CCT4: variants seen among roughly 807,000 people sequenced by gnomAD.
The protein encoded by CCT4 is chaperonin containing TCP1 subunit 4.
CCT4 carries 17 observed loss-of-function variants against 62.5 expected under a neutral mutation model. The ratio of observed to expected loss-of-function variants is 0.27; its 90% CI spans 0.19 to 0.41. The LOEUF (loss-of-function observed/expected upper bound fraction) is 0.41. Among genes scored for constraint, CCT4 ranks in the 10% least tolerant of loss-of-function variants. The pLI is 1.00. For synonymous variants in CCT4, 250 were observed against 229.9 expected (o/e 1.09, Z -0.79); for missense variants, 592 against 659.2 (o/e 0.90, Z 1.12).
chr2:61,883,207 A>G (rs948890183), intron 3 of CCT4, among the ~76,000 whole-genome samples: 11 of 152,230 alleles, frequency 7.2e-5, no homozygotes, highest in African/African-American at 2.6e-4. Context: ...GTGGATCACA[A>G]GGTCAGGAGT....
chr2:61,885,534 T>C (rs1346018127), intron 1 of CCT4, among the ~76,000 whole-genome samples: 1 of 151,994 alleles, frequency 6.6e-6, no homozygotes, highest in East Asian at 1.9e-4. Context: ...CCTCAGCCTC[T>C]GGAGTAGCTG....
At chr2:61,875,099 A>C (rs1668969896) in intron 8 of CCT4, among the ~76,000 whole-genome samples, 1 of 151,128 alleles carries the variant, frequency 6.6e-6, no homozygotes, top group African/African-American at 2.4e-5. Flanking sequence ...CCGAGATCGC[A>C]CCATTGATTC....
intron 10 of CCT4, among the ~76,000 whole-genome samples, 157 bp from the exon 11 acceptor site, chr2:61,872,745 G>C (rs1375921401): frequency 6.6e-6 from 1 of 152,194 alleles, no homozygotes; most frequent in Non-Finnish European, 1.5e-5. Context: ...GACTAACACA[G>C]TGAAACCCCG....
chr2:61,874,645 C>T (rs1668958800), intron 8 of CCT4, among the ~76,000 whole-genome samples: 1 of 151,908 alleles, frequency 6.6e-6, no homozygotes, highest in African/African-American at 2.4e-5. Context: ...AGTGATCTGT[C>T]AAACTTCAGA....
At chr2:61,877,616 G>A in intron 5 of CCT4, 102 bp from the exon 6 acceptor site, 1 of 850,464 alleles carries the variant, frequency 1.2e-6, no homozygotes, top group Non-Finnish European at 1.7e-6. Context: ...AATTTTTGCA[G>A]TGGGGTGTGG....
chr2:61,888,554 C>G lies in CCT4; in HGVS notation c.-47G>C. Reference sequence around the variant, plus strand: ...GTTGGCTCGGGAAGGACGGATGGACCCGGATTCTGGCCGGCCGCAGTGTAA... The same window carrying G: ...GTTGGCTCGGGAAGGACGGATGGACGCGGATTCTGGCCGGCCGCAGTGTAA... On this transcript the variant is annotated 5_prime_UTR_variant, in exon 1 of 14. Transcript: ENST00000394440. 2.5e-6 allele frequency: 4 copies of G among 1,590,410 alleles called. No individual in the cohort carries two copies. The highest frequency in any genetic ancestry group is 2.2e-5 in the East Asian group (1 of 44,468).
chr2:61,881,826 T>C (rs1354299862), intron 3 of CCT4, among the ~76,000 whole-genome samples: 1 of 151,948 alleles, frequency 6.6e-6, no homozygotes, highest in East Asian at 1.9e-4. Context: ...ATTTTGCCTA[T>C]TCCAGGTTGT....
At position 61,872,113 on chromosome 2, in the gene CCT4, C is replaced by T; in HGVS notation, c.1460G>A (p.Gly487Glu). Residue 487 changes from glycine (G) to glutamate (E), a missense_variant, in exon 12 of 14, where the codon GGA becomes GAA. By Grantham distance (98) the Gly-to-Glu change is moderately conservative (BLOSUM62 -2). Transcript: ENST00000394440. ...GACATTAATGCCTGCAGTTTTTTCT[C>T]CCTGGGCATGCCGGTTTCTTAGTTC... ...VTELRNRHAQ[G>E]EKTAGINVRK... is the part of the protein sequence containing the mutation. 1 of 1,613,534 alleles carries T rather than the reference C, an allele frequency of 6.2e-7. No individual in the cohort carries two copies. The highest frequency in any genetic ancestry group is 8.5e-7 in the Non-Finnish European group (1 of 1,179,794).
At chr2:61,879,486 C>G (rs77541346) in intron 4 of CCT4, among the ~76,000 whole-genome samples, 24,971 of 147,706 alleles carry the variant, frequency 0.17, 2,567 homozygotes, top group Middle Eastern at 0.28. Context: ...CCATGTTGCC[C>G]AGTCTGGTCT....
intron 2 of CCT4, 74 bp from the exon 3 acceptor site, chr2:61,883,622 TAG>T: frequency 1.3e-6 from 1 of 746,088 alleles, no homozygotes; most frequent in South Asian, 1.7e-5. Flanking sequence ...CATTTCAAAA[TAG>T]AGAAGTTAAT....
chr2:61,869,143 G>C (rs1239372966), intron 13 of CCT4, among the ~76,000 whole-genome samples: 1 of 70,722 alleles, frequency 1.4e-5, no homozygotes, highest in Non-Finnish European at 2.6e-5. Flanking sequence ...CTTCGTCTCA[G>C]AAAAAAAAAA....
chr2:61,869,744 A>G (rs1436914120), intron 12 of CCT4, among the ~76,000 whole-genome samples, 191 bp from the exon 13 acceptor site: 1 of 151,938 alleles, frequency 6.6e-6, no homozygotes, highest in African/African-American at 2.4e-5. Flanking sequence ...GAAAAACTGA[A>G]TTAATGCTGT....
At chr2:61,880,501 CAT>C (rs1558507005) in intron 3 of CCT4, 107 bp from the exon 4 acceptor site, 3 of 678,432 alleles carry the variant, frequency 4.4e-6, no homozygotes. Flanking sequence ...GAAGATGCAA[CAT>C]GATTCCTGAT....
At chr2:61,868,774 G>A in intron 13 of CCT4, 68 bp from the exon 14 acceptor site, 8 of 1,114,834 alleles carry the variant, frequency 7.2e-6, no homozygotes, top group South Asian at 1.2e-5. Flanking sequence ...AAATGTTTAA[G>A]GCAATTAATA....
At chr2:61,870,766 A>G (rs1021225838) in intron 12 of CCT4, among the ~76,000 whole-genome samples, 1 of 151,856 alleles carries the variant, frequency 6.6e-6, no homozygotes, top group Admixed American at 6.6e-5. Context: ...TAAAAAATAC[A>G]AAAAAATTAG....
chr2:61,883,152 AG>A (rs1228343327), intron 3 of CCT4, among the ~76,000 whole-genome samples: 1 of 152,168 alleles, frequency 6.6e-6, no homozygotes, highest in African/African-American at 2.4e-5. Context: ...GGCCGGGCGC[AG>A]TAGCTCATGT....
chr2:61,872,934 G>GA (rs201964082), intron 10 of CCT4, 68 bp downstream of exon 10: 16,928 of 941,924 alleles, frequency 0.018, 204 homozygotes, highest in South Asian at 0.028. Flanking sequence ...CTCAAAAAAA[G>GA]AAAAAAAACA....
chr2:61,869,410 T>A, intron 13 of CCT4, 30 bp downstream of exon 13: 1 of 1,259,432 alleles, frequency 7.9e-7, no homozygotes, highest in African/African-American at 1.5e-5. Context: ...TTTGACCTCC[T>A]AAGAAAATTT....
At chr2:61,877,577 T>C in intron 5 of CCT4, 63 bp from the exon 6 acceptor site, 1 of 1,257,958 alleles carries the variant, frequency 7.9e-7, no homozygotes, top group African/African-American at 1.5e-5. Context: ...AATTTTTCAA[T>C]GACAAAGATA....
Sources: allele counts gnomAD v4.1 joint callset (sites outside exome capture counted in the v4.1 genomes callset), GRCh38; gene constraint gnomAD v4.1.1; transcripts MANE v1.5; gene names NCBI Gene and HGNC (gene_info 2026-07-23, HGNC 2026-07-21).